Variants in TRPC7 observed in about 807,000 individuals in gnomAD.
TRPC7 encodes the protein transient receptor potential cation channel subfamily C member 7, also known as short transient receptor potential channel 7.
TRPC7 carries 42 observed loss-of-function variants against 90.1 expected under a neutral mutation model. The ratio of observed to expected loss-of-function variants is 0.47; its 90% CI spans 0.36 to 0.60. The LOEUF (loss-of-function observed/expected upper bound fraction) is 0.60. Among genes scored for constraint, TRPC7 ranks in the 20% least tolerant of loss-of-function variants. The pLI, the probability that TRPC7 is intolerant of heterozygous loss-of-function variation, is 0.00. For synonymous variants in TRPC7, 451 were observed against 436.3 expected (o/e 1.03, Z -0.42); for missense variants, 955 against 1,112.3 (o/e 0.86, Z 2.01).
At chr5:136,361,492 A>G (rs1368301196) in intron 1 of TRPC7, among the ~76,000 whole-genome samples, 2 of 152,202 alleles carry the variant, frequency 1.3e-5, no homozygotes, top group Non-Finnish European at 2.9e-5. Context: ...TCATTGACCC[A>G]TGAAAAGTAT....
rs1452642414 is a variant in TRPC7, at chr5:136,212,826, T to C, written c.*609A>G. Among the ~76,000 whole-genome samples, 2 of 152,178 alleles carry C rather than the reference T, an allele frequency of 1.3e-5. No individual in the cohort carries two copies. Among genetic ancestry groups the C allele is most frequent in the Non-Finnish European group, 2.9e-5 (2 of 68,024 alleles). On this transcript the variant is annotated 3_prime_UTR_variant, in exon 12 of 12. Transcript: ENST00000513104. Reference sequence around the variant, plus strand: ...TAATCTTAATAAAGGTAAAAATACATCATTTGGATTTTGTTGTTGTTTTCT... The same window carrying C: ...TAATCTTAATAAAGGTAAAAATACACCATTTGGATTTTGTTGTTGTTTTCT...
At chr5:136,314,138 G>A (rs1758931298) in intron 3 of TRPC7, 1 of 152,196 alleles carries the variant, frequency 6.6e-6, no homozygotes, top group African/African-American at 2.4e-5. Flanking sequence ...ATCTTCTTTT[G>A]TGTGGTTTTT....
intron 3 of TRPC7, among the ~76,000 whole-genome samples, chr5:136,283,536 A>C (rs1561700618): frequency 6.6e-6 from 1 of 152,154 alleles, no homozygotes; most frequent in Non-Finnish European, 1.5e-5. Flanking sequence ...TGTCATAGTT[A>C]ATTTTACCTC....
At chr5:136,323,339 T>A (rs2149842742) in intron 2 of TRPC7, among the ~76,000 whole-genome samples, 1 of 152,348 alleles carries the variant, frequency 6.6e-6, no homozygotes, top group East Asian at 1.9e-4. Context: ...GAAAACAGAC[T>A]ACTACAAAGT....
rs1286454937 is a variant in TRPC7, at chr5:136,324,012, CA to C, written c.781-8234del. 2.6e-5 allele frequency among the ~76,000 whole-genome samples: 4 copies of C among 152,038 alleles called. No individual in the cohort carries two copies. In the East Asian group the frequency reaches 5.8e-4, roughly 22 times the overall value. On this transcript the variant is annotated intron_variant, in intron 2 of 11. Coordinates refer to ENST00000513104, the MANE Select transcript of TRPC7 (RefSeq NM_020389.3). The stretch of plus-strand genomic sequence containing the variant: ...TTCATTCATGTTTTATAGTTTCCAA[CA>C]TACAGTTTTCACATATGTTTTATAA...
At chr5:136,305,367 A>G (rs896002287) in intron 3 of TRPC7, among the ~76,000 whole-genome samples, 2 of 152,180 alleles carry the variant, frequency 1.3e-5, no homozygotes, top group Non-Finnish European at 1.5e-5. Flanking sequence ...CCACTAGCCC[A>G]CCTCTCAGAA....
intron 3 of TRPC7, among the ~76,000 whole-genome samples, chr5:136,296,818 A>G (rs1187290941): frequency 6.6e-6 from 1 of 152,212 alleles, no homozygotes; most frequent in Non-Finnish European, 1.5e-5. Context: ...GAAATCAGAA[A>G]TACAAACTGC....
chr5:136,226,906 A>C (rs2149795357), intron 8 of TRPC7, among the ~76,000 whole-genome samples: 2 of 152,380 alleles, frequency 1.3e-5, no homozygotes, highest in South Asian at 4.1e-4. Flanking sequence ...TTTTATCCTT[A>C]CAGCACATCT....
chr5:136,289,832 G>A, intron 3 of TRPC7, among the ~76,000 whole-genome samples: 1 of 152,224 alleles, frequency 6.6e-6, no homozygotes, highest in East Asian at 1.9e-4. Context: ...CTGAGAACGG[G>A]CAGACTGCCT....
At chr5:136,306,399 T>C (rs1174733753) in intron 3 of TRPC7, among the ~76,000 whole-genome samples, 1 of 152,154 alleles carries the variant, frequency 6.6e-6, no homozygotes, top group Admixed American at 6.5e-5. Flanking sequence ...AAATCTTCAT[T>C]CAGCTTAATC....
intron 3 of TRPC7, among the ~76,000 whole-genome samples, chr5:136,287,725 A>ACC (rs1757776340): frequency 1.5e-5 from 2 of 131,942 alleles, no homozygotes; most frequent in Non-Finnish European, 3.2e-5. Context: ...AAAAAAAAAA[A>ACC]AAAACCCAGA....
At chr5:136,294,386 C>T (rs560335255) in intron 3 of TRPC7, among the ~76,000 whole-genome samples, 2 of 152,290 alleles carry the variant, frequency 1.3e-5, no homozygotes, top group East Asian at 3.9e-4. Flanking sequence ...TTGCAACCTA[C>T]TCATCTGACA....
At chr5:136,252,126 TGATAGATTC>T (rs1441100669) in intron 5 of TRPC7, among the ~76,000 whole-genome samples, 1 of 152,170 alleles carries the variant, frequency 6.6e-6, no homozygotes, top group Non-Finnish European at 1.5e-5. Flanking sequence ...TTTCATTCGT[TGATAGATTC>T]TTGGAGGGAA....
chr5:136,225,823 T>A lies in TRPC7; in HGVS notation c.2262+211A>T, dbSNP rs968123628. On this transcript the variant is annotated intron_variant, in intron 9 of 11. Transcript: ENST00000513104. Reference sequence around the variant, plus strand: ...CCCAGCAGGGCACCTCTCCAAGGGGTTGCAAGGAGAAAGGAGGGTATCACA... The same window carrying A: ...CCCAGCAGGGCACCTCTCCAAGGGGATGCAAGGAGAAAGGAGGGTATCACA... 3.9e-5 allele frequency among the ~76,000 whole-genome samples: 6 copies of A among 151,944 alleles called. No individual in the cohort carries two copies. The South Asian group carries it at 6.2e-4, about 16-fold the overall frequency.
chr5:136,240,442 G>T (rs1194238079), intron 7 of TRPC7, among the ~76,000 whole-genome samples: 2 of 152,192 alleles, frequency 1.3e-5, no homozygotes, highest in African/African-American at 4.8e-5. Context: ...TAGAGTAGTT[G>T]CTCCATACAT....
chr5:136,305,813 T>C (rs901112722), intron 3 of TRPC7, among the ~76,000 whole-genome samples: 12 of 152,116 alleles, frequency 7.9e-5, no homozygotes, highest in Non-Finnish European at 1.2e-4. Flanking sequence ...CTTCAAGAAA[T>C]GTAGAACAGA....
intron 2 of TRPC7, 54 bp from the exon 3 acceptor site, chr5:136,315,833 C>A: frequency 6.4e-7 from 1 of 1,564,102 alleles, no homozygotes; most frequent in Non-Finnish European, 8.7e-7. Context: ...CGCAGATTGG[C>A]TTGCCCAGCA....
chr5:136,334,039 AT>A (rs933173920), intron 2 of TRPC7, among the ~76,000 whole-genome samples: 7 of 151,778 alleles, frequency 4.6e-5, no homozygotes, highest in South Asian at 2.1e-4. Flanking sequence ...TGAAAATTTG[AT>A]TTTTTTTTAA....
chr5:136,273,975 C>T (rs566349670), intron 4 of TRPC7, among the ~76,000 whole-genome samples: 2 of 152,286 alleles, frequency 1.3e-5, no homozygotes, highest in Admixed American at 1.3e-4. Flanking sequence ...CTGCAGTTTC[C>T]ACTCCTTCCA....
Sources: gnomAD v4.1 joint callset for allele counts (sites outside exome capture counted in the v4.1 genomes callset) on GRCh38, gnomAD v4.1.1 for gene constraint, MANE v1.5 for transcripts, NCBI Gene and HGNC (gene_info 2026-07-23, HGNC 2026-07-21) for gene names.